QDPR: variants seen among roughly 807,000 people sequenced by gnomAD.
QDPR encodes dihydropteridine reductase.
Under a neutral mutation model 31.7 loss-of-function variants are expected in QDPR, and 23 were observed. That is an observed-to-expected ratio of 0.73 (90% CI 0.52 to 1.03). QDPR has a LOEUF of 1.03. Among genes scored for constraint, QDPR ranks in the 50% least tolerant of loss-of-function variants. The pLI is 0.00. For synonymous variants in QDPR, 124 were observed against 124.7 expected, an observed-to-expected ratio of 0.99 and a Z score of 0.03; for missense variants, 324 against 323.8, an observed-to-expected ratio of 1.00 and a Z score of 0.00.
intron 4 of QDPR, 107 bp from the exon 5 acceptor site, chr4:17,492,447 GC>G: frequency 1.1e-6 from 1 of 875,612 alleles, no homozygotes; most frequent in Non-Finnish European, 1.8e-6. Flanking sequence ...TTTATAAATA[GC>G]TGCATCTGGC....
intron 4 of QDPR, 166 bp from the exon 5 acceptor site, chr4:17,492,506 C>T: frequency 1.5e-6 from 1 of 647,136 alleles, no homozygotes; most frequent in Admixed American, 2.4e-5. Flanking sequence ...CAAAAAATGG[C>T]AGAGAGCCAC....
At chr4:17,497,103 T>A (rs757133857) in intron 4 of QDPR, among the ~76,000 whole-genome samples, 1 of 152,106 alleles carries the variant, frequency 6.6e-6, no homozygotes, top group Non-Finnish European at 1.5e-5. Flanking sequence ...CACACTAGAA[T>A]GGGCACAGAA....
At chr4:17,510,139 A>G (rs1307622727) in intron 1 of QDPR, among the ~76,000 whole-genome samples, 2 of 152,224 alleles carry the variant, frequency 1.3e-5, no homozygotes, top group Non-Finnish European at 2.9e-5. Context: ...ATGTAAAACT[A>G]TTCTTAACTC....
intron 1 of QDPR, among the ~76,000 whole-genome samples, chr4:17,510,558 T>C (rs1409780264): frequency 1.3e-5 from 2 of 152,158 alleles, no homozygotes; most frequent in Non-Finnish European, 1.5e-5. Context: ...GTCTCCATCA[T>C]CCTAGCCCTC....
chr4:17,502,549 A>C (rs762481237), intron 3 of QDPR, among the ~76,000 whole-genome samples: 27 of 152,330 alleles, frequency 1.8e-4, no homozygotes, highest in Admixed American at 6.5e-4. Context: ...AGACTAGGAA[A>C]AAAACCTGAT....
Position 17,487,233 on chromosome 4 carries a change from A to C in QDPR, c.633T>G (p.Thr211=). 6.2e-7 allele frequency: 1 copy of C among 1,605,464 alleles called. No homozygotes were observed. Among genetic ancestry groups the C allele is most frequent in the Non-Finnish European group, 8.5e-7 (1 of 1,174,420 alleles). ...TTTTCCCTGTGATCCAGTCATGGAAAGTTCTGGAACAGAAAATAAAAGTTT... is the reference window on the plus strand; with the variant it reads ...TTTTCCCTGTGATCCAGTCATGGAACGTTCTGGAACAGAAAATAAAAGTTT... ...SWTPLEFLVE[T]FHDWITGKNR... is the part of the protein sequence containing the mutation. Residue 211 remains threonine, a synonymous_variant, in exon 7 of 7, where the codon ACT becomes ACG. Coordinates refer to ENST00000281243, the MANE Select transcript of QDPR (RefSeq NM_000320.3).
Position 17,501,999 on chromosome 4 carries a change from G to A in QDPR, c.296-140C>T, listed in dbSNP as rs1314924707. The A allele has an allele frequency of 3.0e-6, 3 of 991,760 alleles. No homozygotes were observed. The African/African-American group carries it at 4.8e-5, about 16-fold the overall frequency. The allele number at this position is 991,760 out of a possible 1,614,324, so 61.4% of individuals were successfully genotyped here. A position where few individuals can be genotyped will look rare whatever the true frequency, so the allele number is the denominator to read the frequency against. On this transcript the variant is annotated intron_variant, in intron 3 of 6. Transcript: ENST00000281243. The stretch of plus-strand genomic sequence containing the variant: ...TCTACAGCAAGGTCTAACACAAACA[G>A]CACAGGGCTCAGTGGTCAGAGACAC...
At chr4:17,505,947 T>C (rs1353291207) in intron 2 of QDPR, among the ~76,000 whole-genome samples, 1 of 152,158 alleles carries the variant, frequency 6.6e-6, no homozygotes, top group Non-Finnish European at 1.5e-5. Flanking sequence ...AGATGCACTC[T>C]ACTGCCAAGC....
chr4:17,498,569 G>A (rs1349595387), intron 4 of QDPR, among the ~76,000 whole-genome samples: 1 of 152,094 alleles, frequency 6.6e-6, no homozygotes, highest in Non-Finnish European at 1.5e-5. Flanking sequence ...TTTCCTTGGG[G>A]ACACAAAAGG....
intron 4 of QDPR, among the ~76,000 whole-genome samples, chr4:17,499,027 G>C (rs1577190161): frequency 6.6e-6 from 1 of 152,084 alleles, no homozygotes; most frequent in African/African-American, 2.4e-5. Flanking sequence ...AGAACAGCTG[G>C]GCAGAAATAA....
At chr4:17,487,275 G>A (rs952387295) in intron 6 of QDPR, 39 bp from the exon 7 acceptor site, 1 of 1,512,916 alleles carries the variant, frequency 6.6e-7, no homozygotes, top group Non-Finnish European at 9.1e-7. Context: ...TATTCTCAAA[G>A]CAAAAATCTG....
chr4:17,501,016 C>T (rs1343852835), intron 4 of QDPR, among the ~76,000 whole-genome samples: 2 of 152,198 alleles, frequency 1.3e-5, no homozygotes, highest in African/African-American at 4.8e-5. Flanking sequence ...CTACCATGTG[C>T]ACTTTCTACA....
intron 2 of QDPR, among the ~76,000 whole-genome samples, chr4:17,505,243 C>CTTTTTTTTTTTTTTTT (rs1230268105): frequency 9.7e-6 from 1 of 103,298 alleles, no homozygotes; most frequent in Non-Finnish European, 2.0e-5. Context: ...CTTAAGATTT[C>CTTTTTTTTTTTTTTTT]TTTTTTTTTT....
In QDPR at chr4:17,503,103, G is replaced by A. The variant is rs143110174; in HGVS notation, c.296-1244C>T. On this transcript the variant is annotated intron_variant, in intron 3 of 6. Coordinates refer to ENST00000281243, the MANE Select transcript of QDPR (RefSeq NM_000320.3). ...CTAGACCCAAATTCCAGTTCACGGGGAATACCAAGGATAGAGGAACAAGTC... is the reference window on the plus strand; with the variant it reads ...CTAGACCCAAATTCCAGTTCACGGGAAATACCAAGGATAGAGGAACAAGTC... Among the ~76,000 whole-genome samples, 1,063 of 152,270 alleles carry A rather than the reference G, an allele frequency of 7.0e-3. 4 individuals are homozygous for A. The highest frequency in any genetic ancestry group is 0.013 in the Non-Finnish European group (857 of 68,026).
intron 1 of QDPR, among the ~76,000 whole-genome samples, chr4:17,510,592 G>C (rs1476561607): frequency 6.6e-6 from 1 of 152,158 alleles, no homozygotes; most frequent in African/African-American, 2.4e-5. Context: ...GAAGAAGCTC[G>C]GAGGGGAAAG....
chr4:17,509,660 A>G (rs917959478), intron 1 of QDPR, among the ~76,000 whole-genome samples: 7 of 152,196 alleles, frequency 4.6e-5, no homozygotes, highest in African/African-American at 1.7e-4. Context: ...TCAGTGAGCT[A>G]TGATCGCACC....
chr4:17,498,949 A>G (rs756014928), intron 4 of QDPR, among the ~76,000 whole-genome samples: 5 of 152,236 alleles, frequency 3.3e-5, no homozygotes, highest in Non-Finnish European at 5.9e-5. Context: ...CATGACTCAA[A>G]TTATTAATAG....
intron 4 of QDPR, among the ~76,000 whole-genome samples, chr4:17,496,700 A>G (rs1256032455): frequency 2.0e-5 from 3 of 151,378 alleles, no homozygotes; most frequent in Non-Finnish European, 4.4e-5. Flanking sequence ...CAATGGTGCA[A>G]TCTCAGCTCA....
At chr4:17,492,582 C>G in intron 4 of QDPR, 1 of 563,502 alleles carries the variant, frequency 1.8e-6, no homozygotes, top group East Asian at 3.0e-5. Flanking sequence ...CAAGAACACA[C>G]AGGCTTCACA....
Sources: gnomAD v4.1 joint callset for allele counts (sites outside exome capture counted in the v4.1 genomes callset) on GRCh38, gnomAD v4.1.1 for gene constraint, MANE v1.5 for transcripts, NCBI Gene and HGNC (gene_info 2026-07-23, HGNC 2026-07-21) for gene names.